The following FHIP2A variants were observed in gnomAD, a reference collection of about 807,000 sequenced individuals.
The protein encoded by FHIP2A is family with sequence similarity 160 member B1.
Under a neutral mutation model 93.5 loss-of-function variants are expected in FHIP2A, and 46 were observed. That is an observed-to-expected ratio of 0.49 (90% CI 0.39 to 0.63). The LOEUF (loss-of-function observed/expected upper bound fraction) is 0.63, where lower values mean the gene tolerates loss of function less well. FHIP2A is among the 20% of genes least tolerant of loss of function. The pLI is 0.00. For missense variants in FHIP2A, 769 were observed against 909.7 expected (o/e 0.85, Z 1.99); for synonymous variants, 332 against 326.5 (o/e 1.02, Z -0.18).
At chr10:114,836,920 GAGGC>G (rs2143010498) in intron 5 of FHIP2A, among the ~76,000 whole-genome samples, 1 of 151,340 alleles carries the variant, frequency 6.6e-6, no homozygotes, top group East Asian at 1.9e-4. Context: ...TTACTTTTTT[GAGGC>G]AGGGTCTTGC....
chr10:114,859,196 AGTAAG>A (rs2083783554), intron 14 of FHIP2A, among the ~76,000 whole-genome samples: 1 of 152,212 alleles, frequency 6.6e-6, no homozygotes, highest in East Asian at 1.9e-4. Context: ...TGAATCTAGT[AGTAAG>A]TTAGAAAGAC....
At chr10:114,840,521 CT>C (rs1295064204) in intron 5 of FHIP2A, among the ~76,000 whole-genome samples, 3 of 152,208 alleles carry the variant, frequency 2.0e-5, no homozygotes, top group African/African-American at 7.2e-5. Context: ...ATGGCAGATT[CT>C]TTGAGAGGAG....
intron 16 of FHIP2A, among the ~76,000 whole-genome samples, chr10:114,878,024 AAC>A (rs1415771045): frequency 6.6e-6 from 1 of 152,082 alleles, no homozygotes; most frequent in Non-Finnish European, 1.5e-5. Flanking sequence ...ACTTCTCTTT[AAC>A]AGTCAGTATT....
At chr10:114,839,286 C>T (rs1454323518) in intron 5 of FHIP2A, among the ~76,000 whole-genome samples, 2 of 151,942 alleles carry the variant, frequency 1.3e-5, no homozygotes, top group Non-Finnish European at 2.9e-5. Flanking sequence ...ACCACCACGC[C>T]CGGCTAATTT....
intron 1 of FHIP2A, among the ~76,000 whole-genome samples, chr10:114,825,501 G>A (rs1306789930): frequency 6.6e-6 from 1 of 152,162 alleles, no homozygotes; most frequent in African/African-American, 2.4e-5. Context: ...TTGTTAAGCT[G>A]ATAGACTGCA....
At chr10:114,885,070 G>A (rs920167667) in intron 16 of FHIP2A, among the ~76,000 whole-genome samples, 1 of 151,844 alleles carries the variant, frequency 6.6e-6, no homozygotes, top group Admixed American at 6.6e-5. Flanking sequence ...TTCTCATACT[G>A]CCCACCTTCC....
chr10:114,847,263 T>TA, intron 12 of FHIP2A, 30 bp downstream of exon 12: 1 of 1,580,180 alleles, frequency 6.3e-7, no homozygotes, highest in Admixed American at 1.9e-5. Flanking sequence ...TTGACTTCCA[T>TA]CTCTCTTGTT....
At position 114,896,305 on chromosome 10, in the gene FHIP2A, G is replaced by A. The variant is rs572778460; in HGVS notation, c.2193-3185G>A. Among the ~76,000 whole-genome samples the A allele has an allele frequency of 7.2e-4, 109 of 152,094 alleles. 1 individual carries two copies. Among genetic ancestry groups the A allele is most frequent in the African/African-American group, 2.6e-3 (106 of 41,500 alleles). ...AATGAAGGTTTGGGTCATTTCACCCGATAAAGAACCTTGACCATCTGAGGT... is the reference window on the plus strand; with the variant it reads ...AATGAAGGTTTGGGTCATTTCACCCAATAAAGAACCTTGACCATCTGAGGT... On this transcript the variant is annotated intron_variant, in intron 16 of 16. Transcript: ENST00000369250.
At chr10:114,875,239 G>A (rs761034157) in intron 16 of FHIP2A, among the ~76,000 whole-genome samples, 3 of 152,162 alleles carry the variant, frequency 2.0e-5, no homozygotes, top group Non-Finnish European at 4.4e-5. Flanking sequence ...ACTGCAGACG[G>A]GTCTGATTTG....
At chr10:114,891,818 G>A (rs1017897675) in intron 16 of FHIP2A, among the ~76,000 whole-genome samples, 1 of 151,966 alleles carries the variant, frequency 6.6e-6, no homozygotes, top group Non-Finnish European at 1.5e-5. Context: ...GTTTCTCCAT[G>A]TTGTTCAGGC....
At chr10:114,875,785 G>T (rs2083882811) in intron 16 of FHIP2A, among the ~76,000 whole-genome samples, 1 of 145,152 alleles carries the variant, frequency 6.9e-6, no homozygotes, top group African/African-American at 2.5e-5. Context: ...GAGAGAGAAA[G>T]AAATAGAAAG....
chr10:114,851,714 C>CAAAAAACAAAAAA (rs2083737382), intron 13 of FHIP2A, among the ~76,000 whole-genome samples: 1 of 81,950 alleles, frequency 1.2e-5, no homozygotes, highest in Non-Finnish European at 2.2e-5. Context: ...TCCATTTCTG[C>CAAAAAACAAAAAA]AAAAAAAAAA....
At chr10:114,886,547 G>T (rs2083943775) in intron 16 of FHIP2A, among the ~76,000 whole-genome samples, 1 of 151,976 alleles carries the variant, frequency 6.6e-6, no homozygotes, top group South Asian at 2.1e-4. Context: ...TTGTGTTTTG[G>T]TTTTTGGGTT....
chr10:114,863,050 A>G lies in FHIP2A; in HGVS notation c.*1510A>G, dbSNP rs2083809691. 1 of 984,740 alleles carries G rather than the reference A, an allele frequency of 1.0e-6. No individual in the cohort carries two copies. Among genetic ancestry groups the G allele is most frequent in the Non-Finnish European group, 1.2e-6 (1 of 829,390 alleles). The allele number at this position is 984,740 out of a possible 1,614,324, so 61.0% of individuals were successfully genotyped here. A position where few individuals can be genotyped will look rare whatever the true frequency, so the allele number is the denominator to read the frequency against. ...ATTAAGAACAGAATATCAAAAGATT[A>G]TGAATAGCCTCAGCTCTAGAATGCT... On this transcript the variant is annotated 3_prime_UTR_variant, in exon 17 of 17. Coordinates refer to ENST00000369248, the MANE Select transcript of FHIP2A (RefSeq NM_020940.4).
rs1362000645 is a variant in FHIP2A at position 114,846,202 on chromosome 10, T to A, written c.1233T>A (p.Thr411=). Residue 411 remains threonine (T), a synonymous_variant, in exon 10 of 17, where the codon ACT becomes ACA. Coordinates refer to ENST00000369248, the MANE Select transcript of FHIP2A (RefSeq NM_020940.4). ...CTGAGATGGGTATTCTCACATCCACTGCTCTGCTTCATCGCATCGTTCGGC... is the reference window on the plus strand; with the variant it reads ...CTGAGATGGGTATTCTCACATCCACAGCTCTGCTTCATCGCATCGTTCGGC... The part of the protein sequence containing the change: ...QTSEMGILTS[T]ALLHRIVRQV... 1 of 1,614,216 alleles carries A rather than the reference T, an allele frequency of 6.2e-7. No homozygotes were observed. Among genetic ancestry groups the A allele is most frequent in the South Asian group, 1.1e-5 (1 of 91,080 alleles).
chr10:114,832,316 A>G (rs1466301528), intron 2 of FHIP2A, among the ~76,000 whole-genome samples: 2 of 152,192 alleles, frequency 1.3e-5, no homozygotes, highest in Non-Finnish European at 2.9e-5. Flanking sequence ...GAAAACAGCT[A>G]TACGTTAATG....
intron 14 of FHIP2A, among the ~76,000 whole-genome samples, chr10:114,857,415 T>G (rs1404231472): frequency 6.7e-6 from 1 of 150,370 alleles, no homozygotes; most frequent in Non-Finnish European, 1.5e-5. Context: ...GCTCAAGCGA[T>G]TCTCCCGTCT....
chr10:114,852,077 AC>A (rs2083740417), intron 13 of FHIP2A, among the ~76,000 whole-genome samples: 1 of 66,528 alleles, frequency 1.5e-5, no homozygotes, highest in Admixed American at 2.2e-4. Flanking sequence ...ACCACCTCCC[AC>A]CCCCCACCCC....
rs1393990546 is a variant in FHIP2A at position 114,863,116 on chromosome 10, C to T, written c.*1576C>T. Reference sequence around the variant, plus strand: ...AACAAAAAGACTAAACCTCTAATTTCATGCAAATCTTTGTTAGCTTATTCT... The same window carrying T: ...AACAAAAAGACTAAACCTCTAATTTTATGCAAATCTTTGTTAGCTTATTCT... On this transcript the variant is annotated 3_prime_UTR_variant, in exon 17 of 17. Coordinates refer to ENST00000369248, the MANE Select transcript of FHIP2A (RefSeq NM_020940.4). 3.1e-6 allele frequency: 3 copies of T among 981,022 alleles called. No individual in the cohort carries two copies. Among genetic ancestry groups the T allele is most frequent in the Non-Finnish European group, 3.6e-6 (3 of 826,026 alleles). 60.8% of individuals were successfully genotyped at this position (981,022 alleles called of 1,614,324 possible).
Sources: allele counts gnomAD v4.1 joint callset (sites outside exome capture counted in the v4.1 genomes callset), GRCh38; gene constraint gnomAD v4.1.1; transcripts MANE v1.5; gene names NCBI Gene and HGNC (gene_info 2026-07-23, HGNC 2026-07-21).